Variants in OR3A3 observed in about 807,000 individuals in gnomAD.
OR3A3 encodes the protein olfactory receptor 3A3.
For missense variants in OR3A3, 275 were observed against 391.4 expected (o/e 0.70, Z 2.51); for synonymous variants, 103 against 163.9 (o/e 0.63, Z 2.84).
chr17:3,421,732 CCAAA>C (rs2072436893), exon 3 of OR3A3: 1 of 574,902 alleles, frequency 1.7e-6, no homozygotes, highest in East Asian at 3.2e-5. Context: ...CTTCTATGAT[CCAAA>C]CAATCTTCTA....
chr17:3,418,791 G>C (rs897040983), intron 2 of OR3A3, among the ~76,000 whole-genome samples: 2 of 152,186 alleles, frequency 1.3e-5, no homozygotes, highest in African/African-American at 4.8e-5. Context: ...ACAAGGGTAT[G>C]ATATTGCTCT....
chr17:3,412,582 C>T (rs549508429), intron 2 of OR3A3, among the ~76,000 whole-genome samples: 28 of 140,778 alleles, frequency 2.0e-4, no homozygotes, highest in African/African-American at 2.8e-4. Flanking sequence ...CCCAGTGGGC[C>T]TCGTGGGGAC....
chr17:3,419,039 A>T (rs2072409524), intron 2 of OR3A3, among the ~76,000 whole-genome samples: 1 of 152,226 alleles, frequency 6.6e-6, no homozygotes, highest in Non-Finnish European at 1.5e-5. Flanking sequence ...GGACATGATT[A>T]CAACTTTGGT....
intron 2 of OR3A3, among the ~76,000 whole-genome samples, chr17:3,417,097 T>C (rs1465777095): frequency 6.6e-6 from 1 of 152,064 alleles, no homozygotes; most frequent in Non-Finnish European, 1.5e-5. Context: ...GCTTATACTT[T>C]TTTGCTTTTA....
chr17:3,421,464 C>T lies in OR3A3; in HGVS notation c.879C>T (p.Tyr293=), dbSNP rs1285142548. Residue 293 remains tyrosine (Y), a synonymous_variant, in exon 3 of 3, where the codon TAC becomes TAT. Coordinates refer to ENST00000641141, the Ensembl canonical transcript of OR3A3. Reference sequence around the variant, plus strand: ...ACCCCATGCTGAACCCACTTATCTACAGCCTCAGAAATACTGATGTTCAGG... The same window carrying T: ...ACCCCATGCTGAACCCACTTATCTATAGCCTCAGAAATACTGATGTTCAGG... 1.9e-6 allele frequency: 3 copies of T among 1,583,506 alleles called. No individual in the cohort carries two copies. The African/African-American group carries it at 4.0e-5, about 21-fold the overall frequency.
chr17:3,412,584 C>T (rs1347008941), intron 2 of OR3A3, among the ~76,000 whole-genome samples: 2 of 140,034 alleles, frequency 1.4e-5, no homozygotes, highest in East Asian at 2.1e-4. Flanking sequence ...CAGTGGGCCT[C>T]GTGGGGACCC....
exon 3 of OR3A3, chr17:3,421,568 G>A: frequency 6.6e-7 from 1 of 1,512,988 alleles, no homozygotes; most frequent in Non-Finnish European, 8.8e-7. Context: ...TCTGGACCGA[G>A]GAAAATTTCC....
At chr17:3,412,643 C>G (rs1393685847) in intron 2 of OR3A3, among the ~76,000 whole-genome samples, 1 of 150,034 alleles carries the variant, frequency 6.7e-6, no homozygotes, top group African/African-American at 2.4e-5. Context: ...ATCCCAGAAT[C>G]CCCCTGGTTT....
intron 2 of OR3A3, among the ~76,000 whole-genome samples, chr17:3,413,700 C>A (rs2072374109): frequency 6.6e-6 from 1 of 151,948 alleles, no homozygotes; most frequent in Non-Finnish European, 1.5e-5. Flanking sequence ...GTAGTCCCAG[C>A]TGCTCGGGAG....
At chr17:3,423,014 C>T (rs961404221) in exon 3 of OR3A3, 1 of 152,186 alleles carries the variant, frequency 6.6e-6, no homozygotes, top group African/African-American at 2.4e-5. Flanking sequence ...GGTGTCCAGA[C>T]ACTTTAACGT....
At chr17:3,412,699 T>C (rs1300921122) in intron 2 of OR3A3, among the ~76,000 whole-genome samples, 11 of 151,696 alleles carry the variant, frequency 7.3e-5, no homozygotes, top group Non-Finnish European at 1.2e-4. Flanking sequence ...AACAGCTGTT[T>C]AGTGGTTCTT....
exon 3 of OR3A3, chr17:3,423,684 G>A (rs2072451518): frequency 6.6e-6 from 1 of 152,168 alleles, no homozygotes; most frequent in African/African-American, 2.4e-5. Flanking sequence ...TGTCATCCCA[G>A]TGCTTTGGGA....
chr17:3,420,577 C>T lies in OR3A3; in HGVS notation c.-6-3C>T, dbSNP rs1264952377. The T allele has an allele frequency of 1.3e-6, 2 of 1,533,074 alleles. No homozygotes were observed. Among genetic ancestry groups the T allele is most frequent in the Non-Finnish European group, 1.7e-6 (2 of 1,144,616 alleles). The allele number at this position is 1,533,074 out of a possible 1,614,324, so 95.0% of individuals were successfully genotyped here. On this transcript the variant is annotated splice_region_variant and splice_polypyrimidine_tract_variant and intron_variant, in intron 2 of 2. Coordinates refer to ENST00000641141, the Ensembl canonical transcript of OR3A3. ...CCTCCCCTGCTGGGACATGTCCTTA[C>T]AGAAACTCATGGAGCCAGAAGCTGG... is the stretch of plus-strand genomic sequence containing the variant.
exon 3 of OR3A3, chr17:3,423,895 T>C (rs574561668): frequency 7.4e-5 from 11 of 149,238 alleles, no homozygotes; most frequent in African/African-American, 2.2e-4. Flanking sequence ...ATAGCGCCAC[T>C]GCACTCCCGC....
At chr17:3,419,903 C>A (rs1414976019) in intron 2 of OR3A3, among the ~76,000 whole-genome samples, 2 of 151,884 alleles carry the variant, frequency 1.3e-5, no homozygotes, top group Non-Finnish European at 1.5e-5. Context: ...GTAGCTGGGA[C>A]TACAGGCGCC....
At chr17:3,417,654 TAC>T (rs781683804) in intron 2 of OR3A3, among the ~76,000 whole-genome samples, 4 of 152,224 alleles carry the variant, frequency 2.6e-5, no homozygotes, top group African/African-American at 9.6e-5. Context: ...ATATTTGAGT[TAC>T]AGTTTGTCTT....
chr17:3,414,126 C>A (rs1022164599), intron 2 of OR3A3, among the ~76,000 whole-genome samples: 3 of 152,132 alleles, frequency 2.0e-5, no homozygotes, highest in Non-Finnish European at 4.4e-5. Flanking sequence ...GGCTGGAGTG[C>A]AGTGGCGCAA....
At chr17:3,421,673 C>G in exon 3 of OR3A3, 1 of 835,696 alleles carries the variant, frequency 1.2e-6, no homozygotes, top group Non-Finnish European at 1.8e-6. Context: ...TACAAGGAAA[C>G]CCTATATAAT....
chr17:3,415,359 G>C (rs1028147861), intron 2 of OR3A3, among the ~76,000 whole-genome samples: 1 of 151,540 alleles, frequency 6.6e-6, no homozygotes, highest in Non-Finnish European at 1.5e-5. Context: ...TCAGGAGTTC[G>C]AGACCAGCCT....
Sources: gnomAD v4.1 joint callset for allele counts (sites outside exome capture counted in the v4.1 genomes callset) on GRCh38, gnomAD v4.1.1 for gene constraint, MANE v1.5 for transcripts, NCBI Gene and HGNC (gene_info 2026-07-23, HGNC 2026-07-21) for gene names.